LIPH: variants seen among roughly 807,000 people sequenced by gnomAD.
The protein encoded by LIPH is lipase member H.
A neutral mutation model predicts 47.6 loss-of-function variants in LIPH; 32 were observed. The observed-to-expected ratio is 0.67, with a 90% CI of 0.51 to 0.90. LIPH has a LOEUF of 0.90. Among genes scored for constraint, LIPH ranks in the 40% least tolerant of loss-of-function variants. The pLI is 0.00. For missense variants in LIPH, 497 were observed against 541.4 expected, an observed-to-expected ratio of 0.92 and a Z score of 0.81; for synonymous variants, 190 against 195.6, an observed-to-expected ratio of 0.97 and a Z score of 0.24.
chr3:185,506,555 A>G lies in LIPH; in HGVS notation c.*2235T>C, dbSNP rs1248776035. On this transcript the variant is annotated 3_prime_UTR_variant, in exon 10 of 10. Transcript: ENST00000296252. ...CACAGACCAATAAAACTAAGAAGAA[A>G]CCAGGGCTGCCGGGTACGATGGCTC... is the stretch of plus-strand genomic sequence containing the variant. 3 of 152,200 alleles carry G rather than the reference A, an allele frequency of 2.0e-5. No homozygotes were observed. The highest frequency in any genetic ancestry group is 4.4e-5 in the Non-Finnish European group (3 of 68,076). The allele number at this position is 152,200 out of a possible 1,614,324, so 9.4% of individuals were successfully genotyped here.
At position 185,535,124 on chromosome 3, in the gene LIPH, C is replaced by T; in HGVS notation, c.58G>A (p.Glu20Lys). 1 of 1,614,066 alleles carries T rather than the reference C, an allele frequency of 6.2e-7. No homozygotes were observed. Among genetic ancestry groups the T allele is most frequent in the Non-Finnish European group, 8.5e-7 (1 of 1,180,024 alleles). ...AGCCTGGTGAATGAAGGACATGTTTCTTCTGCGTCTGAAAATAAAAATTAG... is the reference window on the plus strand; with the variant it reads ...AGCCTGGTGAATGAAGGACATGTTTTTTCTGCGTCTGAAAATAAAAATTAG... The part of the protein sequence containing the change: ...LLCLSRSDAE[E>K]TCPSFTRLSF... Residue 20 changes from glutamate to lysine, a missense_variant, in exon 2 of 10, where the codon GAA becomes AAA. By Grantham distance (56) the Glu-to-Lys change is moderately conservative. Transcript: ENST00000296252.
chr3:185,514,300 G>A, intron 8 of LIPH, 110 bp downstream of exon 8: 2 of 714,998 alleles, frequency 2.8e-6, no homozygotes, highest in Non-Finnish European at 5.1e-6. Flanking sequence ...ATCTTTTATA[G>A]AACAAGGAAA....
intron 1 of LIPH, among the ~76,000 whole-genome samples, chr3:185,551,895 A>G (rs1721060053): frequency 1.3e-5 from 2 of 152,046 alleles, no homozygotes; most frequent in Admixed American, 1.3e-4. Context: ...TATGATTAAT[A>G]ATTTTTAAGT....
chr3:185,512,614 G>A (rs1031010933), intron 8 of LIPH, among the ~76,000 whole-genome samples: 2 of 151,018 alleles, frequency 1.3e-5, no homozygotes, highest in Non-Finnish European at 2.9e-5. Context: ...TCAGCCTCGC[G>A]AGTAGCTGGG....
intron 1 of LIPH, among the ~76,000 whole-genome samples, chr3:185,540,725 CAA>C (rs550173961): frequency 5.8e-4 from 50 of 85,940 alleles, no homozygotes; most frequent in Non-Finnish European, 5.6e-4. Context: ...CTCAAAGAAC[CAA>C]AAAAAAAAAA....
intron 1 of LIPH, among the ~76,000 whole-genome samples, chr3:185,551,486 G>T (rs1476352354): frequency 1.3e-5 from 2 of 152,102 alleles, no homozygotes; most frequent in Non-Finnish European, 2.9e-5. Flanking sequence ...TCAGTTGAAA[G>T]GCTACTTTAA....
rs760309219 is a variant in LIPH, at chr3:185,519,238, TG to T, written c.789del (p.Cys263Ter). On this transcript the variant is annotated frameshift_variant, in exon 6 of 10. Transcript: ENST00000296252. ...GAGTCACAGGGATACGCAGTGATGGTGCAGCTCTCTCTCAGGGAAGACAGGT... is the reference window on the plus strand; with the variant it reads ...GAGTCACAGGGATACGCAGTGATGGTCAGCTCTCTCTCAGGGAAGACAGGT... ...YLYLSSLRES[C>X]TITAYPCDSY... 427 of 1,612,074 alleles carry T rather than the reference TG, an allele frequency of 2.6e-4. No individual in the cohort carries two copies. The highest frequency in any genetic ancestry group is 3.6e-4 in the Non-Finnish European group (419 of 1,178,264).
intron 5 of LIPH, among the ~76,000 whole-genome samples, chr3:185,520,398 T>A (rs1329467901): frequency 2.0e-5 from 3 of 151,758 alleles, no homozygotes; most frequent in Non-Finnish European, 4.4e-5. Context: ...GCGCCTGTAA[T>A]CCCAGCTACT....
Position 185,506,860 on chromosome 3 carries a change from A to T in LIPH, c.*1930T>A, listed in dbSNP as rs1026080176. The stretch of plus-strand genomic sequence containing the variant: ...AAAAAAAAAAAAAAAAAAAAAAAAA[A>T]CCAGGGCCTACAGCACACTGATCTC... On this transcript the variant is annotated 3_prime_UTR_variant, in exon 10 of 10. Coordinates refer to ENST00000296252, the MANE Select transcript of LIPH (RefSeq NM_139248.3). 1.1e-4 allele frequency: 16 copies of T among 140,958 alleles called. No individual in the cohort carries two copies. Among genetic ancestry groups the T allele is most frequent in the African/African-American group, 4.3e-4 (16 of 36,856 alleles). The allele number at this position is 140,958 out of a possible 1,614,324, so 8.7% of individuals were successfully genotyped here.
intron 1 of LIPH, among the ~76,000 whole-genome samples, chr3:185,546,352 CAA>C (rs56984831): frequency 5.0e-4 from 30 of 60,498 alleles, no homozygotes; most frequent in South Asian, 1.1e-3. Context: ...GACTCCGTCT[CAA>C]AAAAAAAAAA....
At chr3:185,542,509 G>A (rs1720744660) in intron 1 of LIPH, among the ~76,000 whole-genome samples, 1 of 151,102 alleles carries the variant, frequency 6.6e-6, no homozygotes, top group East Asian at 2.0e-4. Context: ...TAAAGACAGG[G>A]TTTCACCATG....
intron 1 of LIPH, among the ~76,000 whole-genome samples, chr3:185,541,233 C>T (rs139931908): frequency 6.6e-6 from 1 of 152,218 alleles, no homozygotes; most frequent in Admixed American, 6.5e-5. Context: ...GTTCTATCAA[C>T]TCATTCTCTA....
Position 185,552,512 on chromosome 3 carries a change from A to G in LIPH, c.-41T>C, listed in dbSNP as rs750289900. On this transcript the variant is annotated 5_prime_UTR_variant, in exon 1 of 10. Transcript: ENST00000296252. ...ATCGTGTGTCACATTCACAAGAATGATTTACTTCGCAGAGGCTTAAGAGTT... is the reference window on the plus strand; with the variant it reads ...ATCGTGTGTCACATTCACAAGAATGGTTTACTTCGCAGAGGCTTAAGAGTT... 1 of 1,404,060 alleles carries G rather than the reference A, an allele frequency of 7.1e-7. No homozygotes were observed. The highest frequency in any genetic ancestry group is 1.0e-6 in the Non-Finnish European group (1 of 988,628). 87.0% of individuals were successfully genotyped at this position (1,404,060 alleles called of 1,614,324 possible).
At chr3:185,549,444 T>C (rs992716412) in intron 1 of LIPH, among the ~76,000 whole-genome samples, 1 of 152,240 alleles carries the variant, frequency 6.6e-6, no homozygotes. Context: ...GAAATAATTC[T>C]GGTTTTGGCA....
At chr3:185,527,865 A>G (rs1189322382) in intron 3 of LIPH, among the ~76,000 whole-genome samples, 2 of 150,390 alleles carry the variant, frequency 1.3e-5, no homozygotes, top group African/African-American at 4.9e-5. Context: ...GTACACGTGT[A>G]TGAGGTTCAA....
Position 185,516,389 on chromosome 3 carries a change from C to T in LIPH, c.982+678G>A, listed in dbSNP as rs145754062. Reference sequence around the variant, plus strand: ...CAGAGATTGCAGTGAGCTGAGATTGCGCCACTGAACTTCAACTTGGGTGAC... The same window carrying T: ...CAGAGATTGCAGTGAGCTGAGATTGTGCCACTGAACTTCAACTTGGGTGAC... On this transcript the variant is annotated intron_variant, in intron 7 of 9. Coordinates refer to ENST00000296252, the MANE Select transcript of LIPH (RefSeq NM_139248.3). Among the ~76,000 whole-genome samples the T allele has an allele frequency of 9.4e-3, 1,427 of 152,070 alleles. 21 individuals are homozygous for T. The highest frequency in any genetic ancestry group is 0.03 in the African/African-American group (1,235 of 41,464).
chr3:185,533,514 T>TC (rs1720401300), intron 3 of LIPH, 57 bp downstream of exon 3: 10 of 1,105,812 alleles, frequency 9.0e-6, no homozygotes, highest in Admixed American at 1.7e-5. Flanking sequence ...TACATAATAC[T>TC]CCCCCAGTGA....
chr3:185,517,056 T>C lies in LIPH; in HGVS notation c.982+11A>G. The C allele has an allele frequency of 6.3e-7, 1 of 1,575,126 alleles. No homozygotes were observed. The highest frequency in any genetic ancestry group is 2.2e-5 in the East Asian group (1 of 44,656). ...GTTAGGCAAAAGCCAACAACCACAT[T>C]CACCACTCACTGCAGAATGGGCTCT... On this transcript the variant is annotated intron_variant, in intron 7 of 9. Transcript: ENST00000296252.
At chr3:185,537,034 G>A (rs1167105469) in intron 1 of LIPH, among the ~76,000 whole-genome samples, 2 of 152,076 alleles carry the variant, frequency 1.3e-5, no homozygotes, top group Non-Finnish European at 2.9e-5. Flanking sequence ...ACAGGCGCCC[G>A]CCACCATGCC....
Sources: allele counts gnomAD v4.1 joint callset (sites outside exome capture counted in the v4.1 genomes callset), GRCh38; gene constraint gnomAD v4.1.1; transcripts MANE v1.5; gene names NCBI Gene and HGNC (gene_info 2026-07-23, HGNC 2026-07-21).